KIFAP3: variants seen among roughly 807,000 people sequenced by gnomAD.
KIFAP3 encodes kinesin-associated protein 3.
In KIFAP3, 68 loss-of-function variants were observed where a neutral mutation model predicts 106.5. The observed-to-expected ratio is 0.64, with a 90% CI of 0.53 to 0.78. The LOEUF (loss-of-function observed/expected upper bound fraction) is 0.78, where lower values mean the gene tolerates loss of function less well. Ranked by LOEUF, KIFAP3 falls within the 30% of genes least tolerant of loss-of-function variation. The probability of loss-of-function intolerance (pLI) is 0.00; values close to 1 mark genes in which losing one functional copy is unlikely to be tolerated. For missense variants in KIFAP3, 780 were observed against 941.8 expected, an observed-to-expected ratio of 0.83 and a Z score of 2.25; for synonymous variants, 320 against 311.5, an observed-to-expected ratio of 1.03 and a Z score of -0.29.
At chr1:170,038,919 C>T (rs1669825926) in intron 4 of KIFAP3, among the ~76,000 whole-genome samples, 1 of 152,090 alleles carries the variant, frequency 6.6e-6, no homozygotes, top group South Asian at 2.1e-4. Context: ...CCCATCACTA[C>T]TAAAAATACA....
intron 16 of KIFAP3, among the ~76,000 whole-genome samples, chr1:169,976,480 C>T (rs139981551): frequency 4.7e-4 from 71 of 151,848 alleles, no homozygotes; most frequent in Middle Eastern, 6.8e-3. Context: ...TGGAATACAG[C>T]TGGGGAAAAA....
At chr1:170,004,294 T>G (rs1005442411) in intron 10 of KIFAP3, among the ~76,000 whole-genome samples, 3 of 152,168 alleles carry the variant, frequency 2.0e-5, no homozygotes, top group Non-Finnish European at 4.4e-5. Flanking sequence ...AGGTAATTTA[T>G]AGATTCAATG....
At chr1:169,959,596 T>A (rs1665207248) in intron 18 of KIFAP3, among the ~76,000 whole-genome samples, 1 of 152,130 alleles carries the variant, frequency 6.6e-6, no homozygotes, top group African/African-American at 2.4e-5. Flanking sequence ...TTTGGAAATG[T>A]GGTATAACTG....
intron 1 of KIFAP3, among the ~76,000 whole-genome samples, chr1:170,064,000 C>A (rs942358561): frequency 3.3e-5 from 5 of 152,066 alleles, no homozygotes; most frequent in African/African-American, 1.2e-4. Flanking sequence ...TCCCAAGTAC[C>A]TTATATTGTT....
chr1:170,024,784 T>C (rs1181471270), intron 8 of KIFAP3, 188 bp from the exon 9 acceptor site: 4 of 393,160 alleles, frequency 1.0e-5, no homozygotes, highest in Non-Finnish European at 1.8e-5. Context: ...TATGTGTTTG[T>C]GTGTGTGTGT....
intron 19 of KIFAP3, among the ~76,000 whole-genome samples, chr1:169,945,140 G>C (rs1036550903): frequency 5.2e-5 from 1 of 19,256 alleles, no homozygotes; most frequent in Middle Eastern, 0.019. Flanking sequence ...CTGAGGCAGT[G>C]GGGGGCGGGG....
At chr1:170,083,072 A>G (rs1265873329) in intron 1 of KIFAP3, among the ~76,000 whole-genome samples, 1 of 152,196 alleles carries the variant, frequency 6.6e-6, no homozygotes, top group African/African-American at 2.4e-5. Flanking sequence ...GTTCTTAAAA[A>G]GGGGTTAAGG....
chr1:170,026,394 G>A (rs2102028262), intron 8 of KIFAP3, among the ~76,000 whole-genome samples: 1 of 152,256 alleles, frequency 6.6e-6, no homozygotes, highest in South Asian at 2.1e-4. Context: ...TTTCACAATA[G>A]TGGACACCAG....
chr1:169,969,915 G>C (rs1471097129), intron 17 of KIFAP3, among the ~76,000 whole-genome samples: 1 of 151,922 alleles, frequency 6.6e-6, no homozygotes, highest in Non-Finnish European at 1.5e-5. Context: ...GTCTTTCTTA[G>C]TGTTTGGCAC....
chr1:170,040,488 T>C (rs1303990047), intron 3 of KIFAP3, among the ~76,000 whole-genome samples: 1 of 152,118 alleles, frequency 6.6e-6, no homozygotes, highest in Non-Finnish European at 1.5e-5. Flanking sequence ...AAACCACTGA[T>C]TTGCCCCAAA....
chr1:169,926,750 A>T (rs1037277666), intron 19 of KIFAP3, among the ~76,000 whole-genome samples: 3 of 152,040 alleles, frequency 2.0e-5, no homozygotes, highest in Non-Finnish European at 2.9e-5. Flanking sequence ...TCATCTTTTT[A>T]GTCTGAGTCT....
At chr1:169,938,135 A>C (rs1663910908) in intron 19 of KIFAP3, among the ~76,000 whole-genome samples, 3 of 151,878 alleles carry the variant, frequency 2.0e-5, no homozygotes, top group Non-Finnish European at 2.9e-5. Flanking sequence ...TTGCTTTTGA[A>C]AATAAAATAA....
At position 170,001,248 on chromosome 1, in the gene KIFAP3, TTAACAA is replaced by T. The variant is rs1473999227; in HGVS notation, c.1184-8999_1184-8994del. On this transcript the variant is annotated intron_variant, in intron 10 of 19. Coordinates refer to ENST00000361580, the MANE Select transcript of KIFAP3 (RefSeq NM_014970.4). ...AATGATAAGGATCAAAATAAAGCCC[TTAACAA>T]TGACTGCTTTCTAGCCTGTATGTCC... Among the ~76,000 whole-genome samples, 3 of 152,256 alleles carry T rather than the reference TTAACAA, an allele frequency of 2.0e-5. No homozygotes were observed. In the East Asian group the frequency reaches 5.8e-4, roughly 29 times the overall value.
intron 7 of KIFAP3, chr1:170,032,201 A>T (rs1362690009): frequency 2.4e-6 from 1 of 419,290 alleles, no homozygotes; most frequent in African/African-American, 2.0e-5. Flanking sequence ...TTGGGTGAAC[A>T]AACTTTTTTA....
intron 10 of KIFAP3, among the ~76,000 whole-genome samples, chr1:170,005,459 G>A (rs894725093): frequency 6.6e-6 from 1 of 151,892 alleles, no homozygotes; most frequent in Non-Finnish European, 1.5e-5. Flanking sequence ...AACCAACCCA[G>A]ATGTCCAACA....
chr1:170,033,485 A>G (rs1669519610), intron 7 of KIFAP3, among the ~76,000 whole-genome samples: 1 of 151,808 alleles, frequency 6.6e-6, no homozygotes, highest in Admixed American at 6.6e-5. Flanking sequence ...AGTTACCAGC[A>G]TGCCTAGTTG....
chr1:170,083,082 G>A (rs1246106837), intron 1 of KIFAP3, among the ~76,000 whole-genome samples: 2 of 152,092 alleles, frequency 1.3e-5, no homozygotes, highest in East Asian at 1.9e-4. Flanking sequence ...AGGGGTTAAG[G>A]GATGGGAAGG....
At chr1:170,005,764 G>A (rs1337654596) in intron 10 of KIFAP3, among the ~76,000 whole-genome samples, 2 of 149,016 alleles carry the variant, frequency 1.3e-5, no homozygotes, top group African/African-American at 2.5e-5. Context: ...GCTAAATGAC[G>A]AGTTAATGGG....
At chr1:169,966,464 C>CAAAA (rs58208596) in intron 17 of KIFAP3, among the ~76,000 whole-genome samples, 2 of 130,086 alleles carry the variant, frequency 1.5e-5, no homozygotes, top group African/African-American at 2.8e-5. Flanking sequence ...CGGAAAATGG[C>CAAAA]AAAAAAAAAA....
Sources: gnomAD v4.1 joint callset for allele counts (sites outside exome capture counted in the v4.1 genomes callset) on GRCh38, gnomAD v4.1.1 for gene constraint, MANE v1.5 for transcripts, NCBI Gene and HGNC (gene_info 2026-07-23, HGNC 2026-07-21) for gene names.